Variants in CCDC149 observed in about 807,000 individuals in gnomAD.
CCDC149 encodes the protein coiled-coil domain containing 149, also known as coiled-coil domain-containing protein 149.
Under a neutral mutation model 59.9 loss-of-function variants are expected in CCDC149, and 45 were observed. The observed-to-expected ratio is 0.75, with a 90% CI of 0.59 to 0.96. The LOEUF is 0.96. CCDC149 is among the 40% of genes least tolerant of loss of function. The pLI, the probability that CCDC149 is intolerant of heterozygous loss-of-function variation, is 0.00. For missense variants in CCDC149, 584 were observed against 664.7 expected (o/e 0.88, Z 1.33); for synonymous variants, 245 against 260.6 (o/e 0.94, Z 0.58).
chr4:24,959,945 G>C (rs1229225465), intron 1 of CCDC149, among the ~76,000 whole-genome samples: 1 of 152,186 alleles, frequency 6.6e-6, no homozygotes, highest in East Asian at 1.9e-4. Context: ...ATACCGGATG[G>C]AAATATGGGT....
intron 1 of CCDC149, among the ~76,000 whole-genome samples, chr4:24,954,078 A>G (rs933445050): frequency 2.0e-5 from 3 of 152,188 alleles, no homozygotes; most frequent in Admixed American, 2.0e-4. Context: ...CAGAAGGAGA[A>G]GAGAGAGAAA....
intron 1 of CCDC149, among the ~76,000 whole-genome samples, chr4:24,883,646 C>T (rs114299956): frequency 0.014 from 2,204 of 152,226 alleles, 18 homozygotes; most frequent in Middle Eastern, 0.027. Flanking sequence ...CCTGCTGCCC[C>T]CTACATTGAG....
intron 1 of CCDC149, among the ~76,000 whole-genome samples, chr4:24,927,549 TAG>T (rs1485929948): frequency 2.0e-5 from 3 of 152,192 alleles, no homozygotes; most frequent in Non-Finnish European, 4.4e-5. Context: ...TTCATAAAAA[TAG>T]TTGTAACGTT....
intron 4 of CCDC149, among the ~76,000 whole-genome samples, chr4:24,845,788 C>T (rs1385279207): frequency 1.3e-5 from 2 of 152,260 alleles, no homozygotes; most frequent in East Asian, 3.9e-4. Context: ...CAGATGAGAA[C>T]AACTAAGGCA....
chr4:24,844,438 T>G (rs1438969937), intron 4 of CCDC149, among the ~76,000 whole-genome samples: 1 of 152,104 alleles, frequency 6.6e-6, no homozygotes, highest in Admixed American at 6.5e-5. Context: ...GCCAAAAGCT[T>G]CAGGTTGAGG....
In CCDC149 at chr4:24,890,959, C is replaced by T. The variant is rs1318376067; in HGVS notation, c.64-14262G>A. On this transcript the variant is annotated intron_variant, in intron 1 of 12. Transcript: ENST00000635206. ...CTCTGGATGAGAAGCTCAGAGTCAT[C>T]GCTAAAGGGCCACTTGGGCCCTGAA... is the stretch of plus-strand genomic sequence containing the variant. Among the ~76,000 whole-genome samples the T allele has an allele frequency of 2.6e-5, 4 of 152,230 alleles. 1 individual carries two copies. Among genetic ancestry groups the T allele is most frequent in the South Asian group, 2.1e-4 (1 of 4,830 alleles).
chr4:24,881,821 A>G (rs1432933662), intron 1 of CCDC149, among the ~76,000 whole-genome samples: 1 of 152,228 alleles, frequency 6.6e-6, no homozygotes, highest in Non-Finnish European at 1.5e-5. Flanking sequence ...AGGACAATGC[A>G]ATGAAGTTAC....
downstream of CCDC149, chr4:24,805,968 A>G (rs1714134988): frequency 6.6e-6 from 1 of 152,116 alleles, no homozygotes; most frequent in South Asian, 2.1e-4. Context: ...GTTATACAAC[A>G]TAATTCATTT....
chr4:24,897,357 T>G (rs967197437), intron 1 of CCDC149, among the ~76,000 whole-genome samples: 2 of 152,072 alleles, frequency 1.3e-5, no homozygotes, highest in African/African-American at 4.8e-5. Flanking sequence ...AAGTTTGGTT[T>G]GGATGAAAGT....
At chr4:24,914,088 C>T (rs1722045837), upstream of CCDC149, among the ~76,000 whole-genome samples, 1 of 152,138 alleles carries the variant, frequency 6.6e-6, no homozygotes, top group African/African-American at 2.4e-5. Flanking sequence ...CCTGTTGATC[C>T]TGGATCAACC....
intron 1 of CCDC149, among the ~76,000 whole-genome samples, chr4:24,885,859 T>C (rs1396136392): frequency 6.6e-6 from 1 of 152,214 alleles, no homozygotes; most frequent in African/African-American, 2.4e-5. Context: ...TTTTTTTGAA[T>C]ATCTACTATG....
chr4:24,964,691 C>T (rs1010123551), intron 1 of CCDC149, among the ~76,000 whole-genome samples: 2 of 152,008 alleles, frequency 1.3e-5, no homozygotes, highest in African/African-American at 4.8e-5. Flanking sequence ...GAAAACTCCC[C>T]GAATTTAGCA....
At chr4:24,815,495 G>A (rs866461262) in intron 12 of CCDC149, among the ~76,000 whole-genome samples, 2 of 152,168 alleles carry the variant, frequency 1.3e-5, no homozygotes, top group African/African-American at 2.4e-5. Context: ...TTTCACCAAC[G>A]TGAGACGAGT....
chr4:24,821,613 C>T (rs1258464416), intron 10 of CCDC149, among the ~76,000 whole-genome samples: 2 of 152,220 alleles, frequency 1.3e-5, no homozygotes, highest in Admixed American at 6.5e-5. Flanking sequence ...ACTGTGCTGA[C>T]TTTTACTTAT....
At chr4:24,840,281 C>G (rs1716855983) in intron 4 of CCDC149, among the ~76,000 whole-genome samples, 1 of 152,174 alleles carries the variant, frequency 6.6e-6, no homozygotes, top group Non-Finnish European at 1.5e-5. Flanking sequence ...GCAGGTGGAA[C>G]AGACCGTGCA....
intron 1 of CCDC149, among the ~76,000 whole-genome samples, chr4:24,943,624 C>T (rs576867024): frequency 1.3e-5 from 2 of 152,322 alleles, no homozygotes; most frequent in South Asian, 2.1e-4. Context: ...TCAGAGTGAA[C>T]AGGCAACCTA....
chr4:24,923,736 G>A (rs1722363532), intron 1 of CCDC149, among the ~76,000 whole-genome samples: 1 of 152,230 alleles, frequency 6.6e-6, no homozygotes. Context: ...TGTTAAGGAA[G>A]TTAGAATTTA....
At chr4:24,887,421 G>A (rs1720249974) in intron 1 of CCDC149, among the ~76,000 whole-genome samples, 1 of 152,084 alleles carries the variant, frequency 6.6e-6, no homozygotes, top group Admixed American at 6.5e-5. Flanking sequence ...GTTCTCAGCA[G>A]ATGATAAACA....
At chr4:24,970,858 G>A (rs1353030363) in intron 1 of CCDC149, among the ~76,000 whole-genome samples, 1 of 152,042 alleles carries the variant, frequency 6.6e-6, no homozygotes, top group African/African-American at 2.4e-5. Flanking sequence ...CCTACCCCTT[G>A]GCAATGACTA....
Sources: gnomAD v4.1 joint callset for allele counts (sites outside exome capture counted in the v4.1 genomes callset) on GRCh38, gnomAD v4.1.1 for gene constraint, MANE v1.5 for transcripts, NCBI Gene and HGNC (gene_info 2026-07-23, HGNC 2026-07-21) for gene names.